The following SLC45A4 variants were observed in gnomAD, a reference collection of about 807,000 sequenced individuals.
The protein encoded by SLC45A4 is solute carrier family 45 member 4, also known as polyamine-transporter SLC45A4.
In SLC45A4, 32 loss-of-function variants were observed where a neutral mutation model predicts 63.7. That is an observed-to-expected ratio of 0.50 (90% confidence interval 0.38 to 0.67). The LOEUF is 0.67. Ranked by LOEUF, SLC45A4 falls within the 30% of genes least tolerant of loss-of-function variation. The pLI is 0.00. For synonymous variants in SLC45A4, 535 were observed against 510.0 expected (o/e 1.05, Z -0.66); for missense variants, 1,027 against 1,157.7 (o/e 0.89, Z 1.64).
At chr8:141,274,913 G>T (rs1175346017) in intron 1 of SLC45A4, among the ~76,000 whole-genome samples, 1 of 152,208 alleles carries the variant, frequency 6.6e-6, no homozygotes, top group African/African-American at 2.4e-5. Flanking sequence ...CAAGGAAAAG[G>T]GGGCCCCAGG....
chr8:141,286,150 G>A (rs929152476), intron 1 of SLC45A4, among the ~76,000 whole-genome samples: 1 of 152,204 alleles, frequency 6.6e-6, no homozygotes, highest in Non-Finnish European at 1.5e-5. Context: ...AAGGCACAAG[G>A]GGAGACAGGC....
Position 141,303,149 on chromosome 8 carries a change from C to T in SLC45A4, c.-401+4947G>A, listed in dbSNP as rs181565447. Reference sequence around the variant, plus strand: ...AGTAGTTGGGACCACTGATGTGAGACACCGCATCCGGCTAATTTTTTTGTA... The same window carrying T: ...AGTAGTTGGGACCACTGATGTGAGATACCGCATCCGGCTAATTTTTTTGTA... On this transcript the variant is annotated intron_variant, in intron 1 of 8. Transcript: ENST00000517878. 1.1e-3 allele frequency among the ~76,000 whole-genome samples: 169 copies of T among 152,036 alleles called. 1 individual carries two copies. The highest frequency in any genetic ancestry group is 2.8e-4 in the Non-Finnish European group (19 of 67,998).
At position 141,211,141 on chromosome 8, in the gene SLC45A4, C is replaced by T. The variant is rs1459466646; in HGVS notation, c.*431G>A. On this transcript the variant is annotated 3_prime_UTR_variant, in exon 9 of 9. Coordinates refer to ENST00000517878, the MANE Select transcript of SLC45A4 (RefSeq NM_001286646.2). ...CATCCACACACCCGAGGTAGCCTTGCGGCGGGACTTGGGAGGCAGGGCCCG... is the reference window on the plus strand; with the variant it reads ...CATCCACACACCCGAGGTAGCCTTGTGGCGGGACTTGGGAGGCAGGGCCCG... The T allele has an allele frequency of 4.3e-5, 13 of 299,964 alleles. No homozygotes were observed. Among genetic ancestry groups the T allele is most frequent in the South Asian group, 1.1e-4 (1 of 8,728 alleles). The allele number at this position is 299,964 out of a possible 1,614,324, so 18.6% of individuals were successfully genotyped here.
At chr8:141,290,720 T>C (rs746514612) in intron 1 of SLC45A4, among the ~76,000 whole-genome samples, 3 of 152,238 alleles carry the variant, frequency 2.0e-5, no homozygotes, top group Non-Finnish European at 2.9e-5. Context: ...ACGTTGTCCT[T>C]GGGTCCAGAG....
chr8:141,259,043 G>A (rs1030139258), intron 1 of SLC45A4, among the ~76,000 whole-genome samples: 1 of 152,150 alleles, frequency 6.6e-6, no homozygotes, highest in Non-Finnish European at 1.5e-5. Context: ...GTGCAGGAGC[G>A]CTCCCTTGAC....
intron 2 of SLC45A4, among the ~76,000 whole-genome samples, chr8:141,233,205 C>G (rs1827455438): frequency 6.6e-6 from 1 of 152,180 alleles, no homozygotes; most frequent in Non-Finnish European, 1.5e-5. Context: ...TGAGCTGGTT[C>G]CAGCACACAG....
At position 141,211,558 on chromosome 8, in the gene SLC45A4, G is replaced by A. The variant is rs906200229; in HGVS notation, c.*14C>T. 1 of 1,613,278 alleles carries A rather than the reference G, an allele frequency of 6.2e-7. No homozygotes were observed. Among genetic ancestry groups the A allele is most frequent in the Non-Finnish European group, 8.5e-7 (1 of 1,179,926 alleles). On this transcript the variant is annotated 3_prime_UTR_variant, in exon 9 of 9. Transcript: ENST00000517878. The stretch of plus-strand genomic sequence containing the variant: ...GTGTCCAACTCGCTGAGGAAAAGAA[G>A]ATACGTCATTCTTCTAAGAGAACCA...
intron 1 of SLC45A4, among the ~76,000 whole-genome samples, chr8:141,297,894 C>T (rs1201446298): frequency 6.6e-6 from 1 of 151,844 alleles, no homozygotes. Flanking sequence ...TTCTCACACA[C>T]AGCCACAGTA....
rs1009878202 is a variant in SLC45A4 at position 141,302,992 on chromosome 8, T to G, written c.-401+5104A>C. Among the ~76,000 whole-genome samples, 8 of 105,828 alleles carry G rather than the reference T, an allele frequency of 7.6e-5. No homozygotes were observed. The East Asian group carries it at 2.6e-3, about 35-fold the overall frequency. 69.4% of individuals were successfully genotyped at this position (105,828 alleles called of 152,430 possible). On this transcript the variant is annotated intron_variant, in intron 1 of 8. Transcript: ENST00000517878. Reference sequence around the variant, plus strand: ...TTTCTTGTTTTCTGGCCTTACAATGTCTTTTTTTTTTTTTTTTTTTGAGAC... The same window carrying G: ...TTTCTTGTTTTCTGGCCTTACAATGGCTTTTTTTTTTTTTTTTTTTGAGAC...
chr8:141,212,142 G>GGCC lies in SLC45A4; in HGVS notation c.2301+54_2301+55insGGC. 22 of 491,696 alleles carry GGCC rather than the reference G, an allele frequency of 4.5e-5. 3 individuals are homozygous for GGCC. Among genetic ancestry groups the GGCC allele is most frequent in the Admixed American group, 2.1e-4 (1 of 4,828 alleles). The allele number at this position is 491,696 out of a possible 1,614,324, so 30.5% of individuals were successfully genotyped here. The stretch of plus-strand genomic sequence containing the variant: ...CGCCCATGGCCTGGCCCCGCCGCCC[G>GGCC]CCCGCCCGCCCACCCGCCCACTGGA... On this transcript the variant is annotated intron_variant, in intron 8 of 8. Coordinates refer to ENST00000517878, the MANE Select transcript of SLC45A4 (RefSeq NM_001286646.2).
At position 141,229,385 on chromosome 8, in the gene SLC45A4, C is replaced by T. The variant is rs1827217022; in HGVS notation, c.242-7620G>A. ...ACCGCTTCCCTCTCCACACCAGACT[C>T]CAACCGCCCACCCCACCCTACCTCC... On this transcript the variant is annotated intron_variant, in intron 2 of 8. Coordinates refer to ENST00000517878, the MANE Select transcript of SLC45A4 (RefSeq NM_001286646.2). This position sits in a 1 kb window ranked among gnomAD's most constrained non-coding sequence, Gnocchi z 5.0. Among the ~76,000 whole-genome samples the T allele has an allele frequency of 6.6e-6, 1 of 152,120 alleles. No individual in the cohort carries two copies. The highest frequency in any genetic ancestry group is 1.5e-5 in the Non-Finnish European group (1 of 68,018).
chr8:141,256,884 C>T lies in SLC45A4; in HGVS notation c.-400-2255G>A, dbSNP rs1296754246. 2.1e-5 allele frequency: 7 copies of T among 333,170 alleles called. No homozygotes were observed. The highest frequency in any genetic ancestry group is 3.6e-5 in the Non-Finnish European group (6 of 168,064). 20.6% of individuals were successfully genotyped at this position (333,170 alleles called of 1,614,324 possible). On this transcript the variant is annotated intron_variant, in intron 1 of 8. Coordinates refer to ENST00000517878, the MANE Select transcript of SLC45A4 (RefSeq NM_001286646.2). This position sits in a 1 kb window ranked among gnomAD's most constrained non-coding sequence, Gnocchi z 4.3. ...CTTTTTTTTTTTTTTGAGACAGTCT[C>T]GCTCTGTTGCCCAGGCTGGAGTGCA...
intron 2 of SLC45A4, among the ~76,000 whole-genome samples, chr8:141,248,789 C>T (rs1371884713): frequency 2.6e-5 from 4 of 151,894 alleles, no homozygotes; most frequent in Non-Finnish European, 4.4e-5. Flanking sequence ...CTGAGGTGGG[C>T]AGATGGCTTG....
intron 2 of SLC45A4, among the ~76,000 whole-genome samples, chr8:141,234,228 T>C (rs1488828429): frequency 6.6e-6 from 1 of 152,170 alleles, no homozygotes; most frequent in Non-Finnish European, 1.5e-5. Context: ...GGCAGCCTGG[T>C]TTGAAGGAAA....
intron 2 of SLC45A4, among the ~76,000 whole-genome samples, chr8:141,248,073 C>T (rs1387344769): frequency 6.6e-6 from 1 of 152,158 alleles, no homozygotes; most frequent in African/African-American, 2.4e-5. Context: ...ATTAAGACTT[C>T]AGGCCCAGGA....
intron 8 of SLC45A4, chr8:141,211,904 A>G: frequency 8.0e-7 from 1 of 1,247,952 alleles, no homozygotes; most frequent in South Asian, 3.3e-5. Context: ...ACACCTGCAG[A>G]ATAAAAGAGC....
rs1420570604 is a variant in SLC45A4, at chr8:141,218,179, C to T, written c.1461G>A (p.Glu487=). The T allele has an allele frequency of 6.2e-7, 1 of 1,605,484 alleles. No homozygotes were observed. The highest frequency in any genetic ancestry group is 1.7e-5 in the Admixed American group (1 of 60,006). ...TTSSGDTESE[E]GEGETTVRLL... is the part of the protein sequence containing the mutation. Reference sequence around the variant, plus strand: ...GGCGCACCGTGGTCTCGCCCTCCCCCTCCTCACTCTCGGTGTCCCCGCTGG... The same window carrying T: ...GGCGCACCGTGGTCTCGCCCTCCCCTTCCTCACTCTCGGTGTCCCCGCTGG... The change falls in exon 5 of 9, where the codon GAG becomes GAA. Residue 487 remains glutamate (E), a synonymous_variant. Coordinates refer to ENST00000517878, the MANE Select transcript of SLC45A4 (RefSeq NM_001286646.2).
intron 2 of SLC45A4, among the ~76,000 whole-genome samples, chr8:141,246,434 C>G (rs1828196296): frequency 6.6e-6 from 1 of 152,260 alleles, no homozygotes; most frequent in African/African-American, 2.4e-5. Context: ...GCTGAGGCCT[C>G]CTGCTCAGTT....
At chr8:141,302,785 T>C (rs1364502345) in intron 1 of SLC45A4, among the ~76,000 whole-genome samples, 8 of 152,202 alleles carry the variant, frequency 5.3e-5, no homozygotes, top group Non-Finnish European at 1.2e-4. Flanking sequence ...GTGTCTAACA[T>C]GCTCTTAATA....
Sources: gnomAD v4.1 joint callset for allele counts (sites outside exome capture counted in the v4.1 genomes callset) on GRCh38, gnomAD v4.1.1 for gene constraint, Gnocchi (gnomAD v3.1) non-coding constraint, MANE v1.5 for transcripts, NCBI Gene and HGNC (gene_info 2026-07-23, HGNC 2026-07-21) for gene names.